LPIN3: variants seen among roughly 807,000 people sequenced by gnomAD.
LPIN3 encodes phosphatidate phosphatase LPIN3.
In LPIN3, 82 loss-of-function variants were observed where a neutral mutation model predicts 94.7. That is an observed-to-expected ratio of 0.87 (90% CI 0.72 to 1.04). The LOEUF (loss-of-function observed/expected upper bound fraction) is 1.04. Among genes scored for constraint, LPIN3 ranks in the 50% least tolerant of loss-of-function variants. The pLI is 0.00. For missense variants in LPIN3, 996 were observed against 1,090.5 expected (o/e 0.91, Z 1.22); for synonymous variants, 418 against 443.3 (o/e 0.94, Z 0.72).
intron 1 of LPIN3, among the ~76,000 whole-genome samples, chr20:41,342,974 C>T (rs754263530): frequency 8.5e-5 from 13 of 152,120 alleles, no homozygotes; most frequent in Non-Finnish European, 1.6e-4. Flanking sequence ...TCTACTAGAT[C>T]GTGGTTCTCA....
chr20:41,350,197 C>G lies in LPIN3; in HGVS notation c.902C>G (p.Thr301Arg), dbSNP rs764458000. Reference sequence around the variant, plus strand: ...CCTTTGGGACTCCCAATCCAGCAAACAGAGGCTGGTGCCGACCTTCAGCCT... The same window carrying G: ...CCTTTGGGACTCCCAATCCAGCAAAGAGAGGCTGGTGCCGACCTTCAGCCT... ...VDPLGLPIQQ[T>R]EAGADLQPDT... The change falls in exon 7 of 20, where the codon ACA becomes AGA. Residue 301 changes from threonine to arginine, a missense_variant. Physicochemically the swap from Thr to Arg is moderately conservative, Grantham distance 71 (BLOSUM62 -1). Transcript: ENST00000373257. The G allele has an allele frequency of 6.2e-7, 1 of 1,613,612 alleles. No individual in the cohort carries two copies.
rs1325861001 is a variant in LPIN3 at position 41,359,127 on chromosome 20, T to TA, written c.*261_*262insA. On this transcript the variant is annotated 3_prime_UTR_variant, in exon 20 of 20. Coordinates refer to ENST00000373257, the MANE Select transcript of LPIN3 (RefSeq NM_022896.3). Reference sequence around the variant, plus strand: ...CATCTGGGCCCTTGCAGGGTTCTTTTTTTTTTTTTTTTTTTTTTTTTCCTG... The same window carrying TA: ...CATCTGGGCCCTTGCAGGGTTCTTTTATTTTTTTTTTTTTTTTTTTTTCCTG... The TA allele has an allele frequency of 8.5e-6, 2 of 233,986 alleles. No homozygotes were observed. The highest frequency in any genetic ancestry group is 1.6e-4 in the East Asian group (2 of 12,522). 14.5% of individuals were successfully genotyped at this position (233,986 alleles called of 1,614,324 possible).
intron 11 of LPIN3, among the ~76,000 whole-genome samples, chr20:41,353,909 T>G (rs375998951): frequency 6.6e-6 from 1 of 152,206 alleles, no homozygotes; most frequent in East Asian, 1.9e-4. Flanking sequence ...CCTTCCCTGC[T>G]TGGATCTCCT....
Position 41,351,929 on chromosome 20 carries a change from G to A in LPIN3, c.1202+9G>A, listed in dbSNP as rs2046031281. The A allele has an allele frequency of 6.2e-7, 1 of 1,614,132 alleles. No individual in the cohort carries two copies. Among genetic ancestry groups the A allele is most frequent in the Non-Finnish European group, 8.5e-7 (1 of 1,179,978 alleles). ...CTTTACTTCCCCCAAAGGTGCCTGG[G>A]TTCTGGATGCCAGGGTGTCTTGGGT... On this transcript the variant is annotated intron_variant, in intron 8 of 19. Coordinates refer to ENST00000373257, the MANE Select transcript of LPIN3 (RefSeq NM_022896.3).
intron 2 of LPIN3, among the ~76,000 whole-genome samples, chr20:41,346,266 C>T (rs1456220687): frequency 6.6e-6 from 1 of 152,236 alleles, no homozygotes; most frequent in African/African-American, 2.4e-5. Context: ...CTTACTAAGA[C>T]CTTACCTGTG....
intron 5 of LPIN3, 78 bp from the exon 6 acceptor site, chr20:41,349,696 T>C: frequency 6.5e-7 from 1 of 1,527,218 alleles, no homozygotes; most frequent in Non-Finnish European, 8.8e-7. Flanking sequence ...AGGTTGCACA[T>C]ATTTTTTTCC....
In LPIN3 at chr20:41,357,415, G is replaced by A. The variant is rs774672133; in HGVS notation, c.2007G>A (p.Gln669=). ...LPQLGKDWTH[Q]GITSLYHKIQ... Reference sequence around the variant, plus strand: ...AGCTGGGGAAAGACTGGACACACCAGGGCATCACCAGTCTCTATCACAAAA... The same window carrying A: ...AGCTGGGGAAAGACTGGACACACCAAGGCATCACCAGTCTCTATCACAAAA... Residue 669 remains glutamine (Q), a synonymous_variant, in exon 16 of 20, where the codon CAG becomes CAA. Transcript: ENST00000373257. 3.1e-6 allele frequency: 5 copies of A among 1,613,946 alleles called. No individual in the cohort carries two copies. The highest frequency in any genetic ancestry group is 1.1e-5 in the South Asian group (1 of 91,080).
chr20:41,351,300 A>ATT (rs149694237), intron 7 of LPIN3, among the ~76,000 whole-genome samples: 7,125 of 136,010 alleles, frequency 0.052, 797 homozygotes, highest in East Asian at 0.51. Context: ...ATAAAATTCC[A>ATT]TTTTTTTTTT....
At chr20:41,358,684 G>A (rs1302710299) in intron 19 of LPIN3, 38 bp from the exon 20 acceptor site, 5 of 1,609,026 alleles carry the variant, frequency 3.1e-6, no homozygotes, top group Non-Finnish European at 4.2e-6. Flanking sequence ...TCGTTTGGTG[G>A]CAGCTCAGGC....
chr20:41,342,705 G>T, intron 1 of LPIN3, among the ~76,000 whole-genome samples: 1 of 151,836 alleles, frequency 6.6e-6, no homozygotes, highest in South Asian at 2.1e-4. Context: ...TGCTGAGCAG[G>T]CAGATGTGGG....
chr20:41,348,694 C>T lies in LPIN3; in HGVS notation c.364C>T (p.Leu122=). The change falls in exon 4 of 20, where the codon CTG becomes TTG. Residue 122 remains leucine, a synonymous_variant. Coordinates refer to ENST00000373257, the MANE Select transcript of LPIN3 (RefSeq NM_022896.3). ...GLSGFPSDSQ[L]GTASEPEGLV... The stretch of plus-strand genomic sequence containing the variant: ...GTCTGGCTTCCCCTCGGACTCCCAG[C>T]TGGGCACTGCCAGTGAGCCTGAGGG... The T allele has an allele frequency of 1.2e-6, 2 of 1,613,990 alleles. No individual in the cohort carries two copies. Among genetic ancestry groups the T allele is most frequent in the Non-Finnish European group, 1.7e-6 (2 of 1,179,944 alleles).
intron 2 of LPIN3, 80 bp downstream of exon 2, chr20:41,346,075 G>A: frequency 1.4e-6 from 2 of 1,426,978 alleles, no homozygotes; most frequent in East Asian, 2.3e-5. Context: ...CCCAGGACAG[G>A]ACCTGGGGCC....
intron 1 of LPIN3, among the ~76,000 whole-genome samples, chr20:41,341,970 C>CAA (rs1344811345): frequency 6.6e-6 from 1 of 152,060 alleles, no homozygotes; most frequent in East Asian, 1.9e-4. Context: ...GGGCAAGACT[C>CAA]CATCTCAAAA....
Position 41,357,261 on chromosome 20 carries a change from TG to T in LPIN3, c.1952+77del, listed in dbSNP as rs2046242658. 3 of 1,604,898 alleles carry T rather than the reference TG, an allele frequency of 1.9e-6. No homozygotes were observed. The South Asian group carries it at 3.3e-5, about 18-fold the overall frequency. ...TCGCCTCCCTCTGTGCTGGGTGTGGTGGGGAGTGAGAGGAGCCCTCCCTTCC... is the reference window on the plus strand; with the variant it reads ...TCGCCTCCCTCTGTGCTGGGTGTGGTGGGAGTGAGAGGAGCCCTCCCTTCC... On this transcript the variant is annotated intron_variant, in intron 15 of 19. Coordinates refer to ENST00000373257, the MANE Select transcript of LPIN3 (RefSeq NM_022896.3).
chr20:41,354,782 C>T (rs770659295), intron 12 of LPIN3, 38 bp from the exon 13 acceptor site: 26 of 1,612,212 alleles, frequency 1.6e-5, no homozygotes, highest in Admixed American at 3.3e-5. Context: ...CAGCACAGGG[C>T]GGGAGGTGGG....
rs749383919 is a variant in LPIN3 at position 41,345,798 on chromosome 20, C to T, written c.-6C>T. 2 of 1,604,576 alleles carry T rather than the reference C, an allele frequency of 1.2e-6. No homozygotes were observed. Among genetic ancestry groups the T allele is most frequent in the Non-Finnish European group, 1.7e-6 (2 of 1,172,920 alleles). ...AAGCCACTGCCTTTCTTTGCCAGCACCAGCCATGAACTACGTGGGGCAGCT... is the reference window on the plus strand; with the variant it reads ...AAGCCACTGCCTTTCTTTGCCAGCATCAGCCATGAACTACGTGGGGCAGCT... On this transcript the variant is annotated splice_region_variant and 5_prime_UTR_variant, in exon 2 of 20. Transcript: ENST00000373257.
At position 41,350,378 on chromosome 20, in the gene LPIN3, G is replaced by A; in HGVS notation, c.1083G>A (p.Glu361=). 6.3e-7 allele frequency: 1 copy of A among 1,575,834 alleles called. No homozygotes were observed. The highest frequency in any genetic ancestry group is 8.7e-7 in the Non-Finnish European group (1 of 1,155,756). ...TTCCAGTTCCCACCGGGCAGCCAGAGAGGGTCTCCAGGGGGAAAGGTGAGT... is the reference window on the plus strand; with the variant it reads ...TTCCAGTTCCCACCGGGCAGCCAGAAAGGGTCTCCAGGGGGAAAGGTGAGT... ...LEVPVPTGQP[E]RVSRGKGSPK... The change falls in exon 7 of 20, where the codon GAG becomes GAA. Residue 361 remains glutamate (E), a synonymous_variant. Coordinates refer to ENST00000373257, the MANE Select transcript of LPIN3 (RefSeq NM_022896.3).
chr20:41,352,889 C>A, intron 11 of LPIN3, 22 bp downstream of exon 11: 1 of 1,613,002 alleles, frequency 6.2e-7, no homozygotes, highest in Non-Finnish European at 8.5e-7. Flanking sequence ...AGCACCACTG[C>A]CCCTGCTGGG....
At chr20:41,348,449 C>A (rs2045867432) in intron 3 of LPIN3, among the ~76,000 whole-genome samples, 170 bp from the exon 4 acceptor site, 1 of 152,192 alleles carries the variant, frequency 6.6e-6, no homozygotes, top group African/African-American at 2.4e-5. Flanking sequence ...TTGGGGACCT[C>A]TGAGGCCAGC....
Sources: gnomAD v4.1 joint callset for allele counts (sites outside exome capture counted in the v4.1 genomes callset) on GRCh38, gnomAD v4.1.1 for gene constraint, MANE v1.5 for transcripts, NCBI Gene and HGNC (gene_info 2026-07-23, HGNC 2026-07-21) for gene names.